The following BCR variants were observed in gnomAD, a reference collection of about 807,000 sequenced individuals.
The protein encoded by BCR is breakpoint cluster region protein.
Under a neutral mutation model 138.6 loss-of-function variants are expected in BCR, and 58 were observed. The ratio of observed to expected loss-of-function variants is 0.42; its 90% CI spans 0.34 to 0.52. BCR has a LOEUF of 0.52. Ranked by LOEUF, BCR falls within the 20% of genes least tolerant of loss-of-function variation. The pLI is 0.06. For synonymous variants in BCR, 786 were observed against 730.1 expected (o/e 1.08, Z -1.23); for missense variants, 1,599 against 1,727.2 (o/e 0.93, Z 1.32).
In BCR at chr22:23,257,778, G is replaced by T. The variant is rs116783051; in HGVS notation, c.1462-3172G>T. Among the ~76,000 whole-genome samples the T allele has an allele frequency of 9.2e-5, 14 of 152,306 alleles. No homozygotes were observed. In the East Asian group the frequency reaches 2.3e-3, roughly 25 times the overall value. ...TTGGGTAGCATTTCAGGGCACCAAG[G>T]CAGGCTCAACTGACAGCCCTGGGTT... On this transcript the variant is annotated intron_variant, in intron 2 of 22. Coordinates refer to ENST00000305877, the MANE Select transcript of BCR (RefSeq NM_004327.4).
Position 23,260,478 on chromosome 22 carries a change from G to A in BCR, c.1462-472G>A, listed in dbSNP as rs575850173. 3.3e-5 allele frequency among the ~76,000 whole-genome samples: 5 copies of A among 152,182 alleles called. No homozygotes were observed. The South Asian group carries it at 6.2e-4, about 19-fold the overall frequency. Reference sequence around the variant, plus strand: ...CCCGTCAATCGAAGGGTCATGTGGCGGCAGCAGTCAGAGAATCCAGGTGAG... The same window carrying A: ...CCCGTCAATCGAAGGGTCATGTGGCAGCAGCAGTCAGAGAATCCAGGTGAG... On this transcript the variant is annotated intron_variant, in intron 2 of 22. Transcript: ENST00000305877.
chr22:23,218,860 G>A (rs1259927371), intron 1 of BCR, among the ~76,000 whole-genome samples: 4 of 152,234 alleles, frequency 2.6e-5, no homozygotes, highest in Non-Finnish European at 4.4e-5. Context: ...GCTGTCAGCA[G>A]TTAGGAAAAA....
intron 1 of BCR, among the ~76,000 whole-genome samples, chr22:23,210,695 C>T (rs2072671320): frequency 6.6e-6 from 1 of 152,192 alleles, no homozygotes; most frequent in Non-Finnish European, 1.5e-5. Context: ...TCTCCCCTTA[C>T]AGTTTAGCAC....
At chr22:23,195,108 C>T (rs1343126693) in intron 1 of BCR, among the ~76,000 whole-genome samples, 1 of 151,962 alleles carries the variant, frequency 6.6e-6, no homozygotes, top group Non-Finnish European at 1.5e-5. Context: ...GAAATGTCGT[C>T]TCTACCAAAA....
intron 10 of BCR, 54 bp downstream of exon 10, chr22:23,285,255 C>G (rs1249789839): frequency 6.5e-7 from 1 of 1,546,318 alleles, no homozygotes; most frequent in East Asian, 2.4e-5. Flanking sequence ...TGGCAGCAGC[C>G]CCCGCACACG....
chr22:23,258,773 C>T (rs2073324083), intron 2 of BCR, among the ~76,000 whole-genome samples: 2 of 152,244 alleles, frequency 1.3e-5, no homozygotes, highest in Non-Finnish European at 1.5e-5. Context: ...CTCCTCCGGG[C>T]CTAGATGTCA....
chr22:23,194,518 C>T (rs1283150915), intron 1 of BCR, among the ~76,000 whole-genome samples: 6 of 151,940 alleles, frequency 3.9e-5, no homozygotes, highest in South Asian at 2.1e-4. Context: ...TCACGCCATT[C>T]TCCTGCCTCA....
At chr22:23,309,912 C>G (rs2073989066) in intron 17 of BCR, 3 of 326,554 alleles carry the variant, frequency 9.2e-6, no homozygotes, top group Non-Finnish European at 5.7e-6. Context: ...ATTATTCTGT[C>G]TTTCCTACTT....
Position 23,260,960 on chromosome 22 carries a change from A to C in BCR, c.1472A>C (p.Asp491Ala). ...CTATTTCTCCTGCAGAGTGAGCTGG[A>C]CTTGGAAAAGGGCTTGGAGATGAGA... ...ALESTKASEL[D>A]LEKGLEMRKW... Residue 491 changes from aspartate to alanine, a missense_variant, in exon 3 of 23, where the codon GAC becomes GCC. Coordinates refer to ENST00000305877, the MANE Select transcript of BCR (RefSeq NM_004327.4). 1 of 1,613,894 alleles carries C rather than the reference A, an allele frequency of 6.2e-7. No homozygotes were observed. The highest frequency in any genetic ancestry group is 8.5e-7 in the Non-Finnish European group (1 of 1,179,922).
chr22:23,304,389 G>A (rs1006152595), intron 16 of BCR, among the ~76,000 whole-genome samples: 2 of 152,040 alleles, frequency 1.3e-5, no homozygotes, highest in African/African-American at 4.8e-5. Context: ...TGTTTTTGAG[G>A]TTTATTCATG....
At chr22:23,306,331 C>G (rs143705647) in intron 16 of BCR, 2 of 152,328 alleles carry the variant, frequency 1.3e-5, no homozygotes, top group African/African-American at 4.8e-5. Context: ...ATTGCTCAGC[C>G]AGCTAGCTCT....
At chr22:23,301,448 G>A (rs1284784634) in intron 16 of BCR, among the ~76,000 whole-genome samples, 2 of 152,216 alleles carry the variant, frequency 1.3e-5, no homozygotes, top group African/African-American at 4.8e-5. Flanking sequence ...TCCCTGTTGC[G>A]CTGCACTCGG....
Position 23,253,843 on chromosome 22 carries a change from C to A in BCR, c.1324C>A (p.Arg442=). Residue 442 remains arginine (R), a synonymous_variant, in exon 2 of 23, where the codon CGG becomes AGG. Coordinates refer to ENST00000305877, the MANE Select transcript of BCR (RefSeq NM_004327.4). ...TPPGYGCAAD[R]AEEQRRHQDG... ...ACCTGGATACGGCTGCGCTGCAGAC[C>A]GGGCAGAGGAGCAGCGCCGGCACCA... The A allele has an allele frequency of 1.2e-6, 2 of 1,612,988 alleles. No individual in the cohort carries two copies. The highest frequency in any genetic ancestry group is 1.7e-6 in the Non-Finnish European group (2 of 1,179,938).
chr22:23,285,838 T>C (rs1052367026), intron 10 of BCR, among the ~76,000 whole-genome samples: 16 of 152,188 alleles, frequency 1.1e-4, no homozygotes, highest in African/African-American at 3.9e-4. Flanking sequence ...GCTAGCAGTA[T>C]TTATAAGGGA....
intron 6 of BCR, among the ~76,000 whole-genome samples, chr22:23,272,148 A>T (rs368256616): frequency 4.8e-4 from 73 of 152,342 alleles, no homozygotes; most frequent in African/African-American, 1.8e-3. Flanking sequence ...TGTTTTTGCC[A>T]ATGACAAGTT....
At chr22:23,302,369 C>T (rs899255567) in intron 16 of BCR, 1 of 152,434 alleles carries the variant, frequency 6.6e-6, no homozygotes, top group African/African-American at 2.4e-5. Context: ...TGCCAGGGAC[C>T]TCTGCCCTCA....
intron 6 of BCR, 90 bp from the exon 7 acceptor site, chr22:23,272,991 C>T: frequency 7.0e-7 from 1 of 1,437,144 alleles, no homozygotes; most frequent in Non-Finnish European, 9.7e-7. Context: ...GGGGCAGCCC[C>T]CTCCCCACTC....
intron 16 of BCR, 95 bp downstream of exon 16, chr22:23,295,250 A>G: frequency 8.0e-6 from 4 of 497,480 alleles, no homozygotes; most frequent in Non-Finnish European, 1.1e-5. Context: ...CCTTGCACCC[A>G]GGGTGGGGTG....
chr22:23,187,343 T>C (rs1160326520), intron 1 of BCR, among the ~76,000 whole-genome samples: 2 of 149,248 alleles, frequency 1.3e-5, no homozygotes, highest in East Asian at 2.0e-4. Context: ...GTGGGCCCAC[T>C]GGGCTGAAAT....
Sources: gnomAD v4.1 joint callset for allele counts (sites outside exome capture counted in the v4.1 genomes callset) on GRCh38, gnomAD v4.1.1 for gene constraint, MANE v1.5 for transcripts, NCBI Gene and HGNC (gene_info 2026-07-23, HGNC 2026-07-21) for gene names.